Variants in ANKRD30B observed in about 807,000 individuals in gnomAD.
ANKRD30B encodes the protein ankyrin repeat domain-containing protein 30B.
Under a neutral mutation model 202.2 loss-of-function variants are expected in ANKRD30B, and 144 were observed. The observed-to-expected ratio is 0.71, with a 90% confidence interval of 0.62 to 0.82. The LOEUF is 0.82. Ranked by LOEUF, ANKRD30B falls within the 40% of genes least tolerant of loss-of-function variation. The pLI is 0.00. For synonymous variants in ANKRD30B, 508 were observed against 561.3 expected (o/e 0.91, Z 1.34); for missense variants, 1,487 against 1,669.1 (o/e 0.89, Z 1.90).
At chr18:14,910,435 T>A in the ANKRD30B span, among the ~76,000 whole-genome samples, 1 of 151,346 alleles carries the variant, frequency 6.6e-6, no homozygotes, top group African/African-American at 2.4e-5. Context: ...TATGGCTAAG[T>A]AGTGTTACAT....
chr18:14,907,306 A>T, the ANKRD30B span, among the ~76,000 whole-genome samples: 1 of 151,472 alleles, frequency 6.6e-6, no homozygotes, highest in East Asian at 1.9e-4. Flanking sequence ...TTCCAAACTC[A>T]ATTTTACTGA....
chr18:14,789,644 G>A (rs1384851573), intron 15 of ANKRD30B, among the ~76,000 whole-genome samples: 1 of 152,182 alleles, frequency 6.6e-6, no homozygotes, highest in African/African-American at 2.4e-5. Flanking sequence ...TTATTAAATA[G>A]GGAATCCTTT....
chr18:14,868,319 T>C, the ANKRD30B span, among the ~76,000 whole-genome samples: 1 of 152,282 alleles, frequency 6.6e-6, no homozygotes, highest in South Asian at 2.1e-4. Flanking sequence ...GTCCTCCCCC[T>C]TCTCCTGCAG....
the ANKRD30B span, among the ~76,000 whole-genome samples, chr18:14,938,486 C>A: frequency 6.6e-6 from 1 of 152,160 alleles, no homozygotes. Flanking sequence ...CTTGGCTGGC[C>A]ATGGCCCTCA....
intron 30 of ANKRD30B, among the ~76,000 whole-genome samples, chr18:14,819,927 G>A (rs1455316532): frequency 2.0e-5 from 3 of 152,144 alleles, no homozygotes; most frequent in Admixed American, 6.5e-5. Context: ...GATGGGGATG[G>A]CATTGAATCT....
intron 3 of ANKRD30B, among the ~76,000 whole-genome samples, chr18:14,754,031 A>G (rs543079408): frequency 1.3e-5 from 2 of 152,302 alleles, no homozygotes; most frequent in African/African-American, 4.8e-5. Flanking sequence ...ATAATTGAGA[A>G]TAAACTTTTA....
chr18:14,849,153 G>A (rs1971780627), intron 40 of ANKRD30B, among the ~76,000 whole-genome samples: 2 of 151,388 alleles, frequency 1.3e-5, no homozygotes, highest in African/African-American at 4.8e-5. Context: ...CTATATAGAA[G>A]GCCATTATTT....
chr18:14,892,564 C>T, the ANKRD30B span, among the ~76,000 whole-genome samples: 7 of 151,808 alleles, frequency 4.6e-5, no homozygotes, highest in Non-Finnish European at 1.0e-4. Context: ...CATGGCGAAA[C>T]CCCGTTTCTA....
the ANKRD30B span, among the ~76,000 whole-genome samples, chr18:14,902,125 A>C: frequency 6.6e-6 from 1 of 152,130 alleles, no homozygotes; most frequent in Admixed American, 6.6e-5. Context: ...CTACCACGAG[A>C]ACAGTATGGA....
chr18:14,828,253 T>G, intron 32 of ANKRD30B, 25 bp from the exon 33 acceptor site: 1 of 1,488,330 alleles, frequency 6.7e-7, no homozygotes, highest in Non-Finnish European at 9.1e-7. Flanking sequence ...GTTGATTTAA[T>G]GTATTTTACT....
In ANKRD30B at chr18:14,800,308, C is replaced by CT. The variant is rs1177678147; in HGVS notation, c.2131+1023dup. Among the ~76,000 whole-genome samples, 23 of 146,820 alleles carry CT rather than the reference C, an allele frequency of 1.6e-4. 1 individual carries two copies. The highest frequency in any genetic ancestry group is 6.8e-4 in the Admixed American group (10 of 14,742). ...AATTTGTTTTGACGTCTTAAATTTTCTTTTTTTTTTAAATTTTGATATGGC... is the reference window on the plus strand; with the variant it reads ...AATTTGTTTTGACGTCTTAAATTTTCTTTTTTTTTTTAAATTTTGATATGGC... On this transcript the variant is annotated intron_variant, in intron 22 of 43. Coordinates refer to ENST00000690538, the MANE Select transcript of ANKRD30B (RefSeq NM_001367607.2).
rs773634557 is a variant in ANKRD30B at position 14,851,912 on chromosome 18, A to G, written c.3968A>G (p.His1323Arg). 3.2e-5 allele frequency: 51 copies of G among 1,601,156 alleles called. No homozygotes were observed. The South Asian group carries it at 5.3e-4, about 17-fold the overall frequency. The change falls in exon 42 of 44, where the codon CAC becomes CGC. Residue 1323 changes from histidine (H) to arginine (R), a missense_variant. His to Arg is a conservative substitution (Grantham distance 29). Coordinates refer to ENST00000690538, the MANE Select transcript of ANKRD30B (RefSeq NM_001367607.2). ...TSRKNQELAF[H>R]SAGDAPLQGI... ...AGAAAAAACCAAGAACTTGCTTTCC[A>G]CAGTGCAGGAGATGCTCCTTTGCAA...
intron 8 of ANKRD30B, among the ~76,000 whole-genome samples, chr18:14,771,519 C>T (rs567625480): frequency 7.1e-4 from 108 of 152,152 alleles, no homozygotes; most frequent in Non-Finnish European, 1.1e-3. Context: ...GAAAATATTC[C>T]GAATAACAAA....
At chr18:14,898,687 T>A in the ANKRD30B span, among the ~76,000 whole-genome samples, 1 of 152,222 alleles carries the variant, frequency 6.6e-6, no homozygotes, top group Non-Finnish European at 1.5e-5. Context: ...GATTTACCTG[T>A]CTGTCAGCTC....
chr18:14,918,594 T>A, the ANKRD30B span, among the ~76,000 whole-genome samples: 1 of 152,040 alleles, frequency 6.6e-6, no homozygotes, highest in Admixed American at 6.5e-5. Flanking sequence ...CTGAGGCCAC[T>A]GGAAGTCACA....
chr18:14,902,690 CAAT>C, the ANKRD30B span, among the ~76,000 whole-genome samples: 3 of 152,166 alleles, frequency 2.0e-5, no homozygotes, highest in Non-Finnish European at 4.4e-5. Context: ...AGCCGTGAGA[CAAT>C]GATCCCAGGG....
chr18:14,789,706 T>C (rs1293351889), intron 15 of ANKRD30B, among the ~76,000 whole-genome samples: 4 of 152,196 alleles, frequency 2.6e-5, no homozygotes, highest in African/African-American at 7.2e-5. Context: ...GTTCTAGATA[T>C]GCACCATTAT....
the ANKRD30B span, among the ~76,000 whole-genome samples, chr18:14,937,574 C>T: frequency 8.7e-5 from 6 of 69,142 alleles, no homozygotes; most frequent in Admixed American, 4.3e-4. Flanking sequence ...TGGGGTGTAG[C>T]CAATTGGAGG....
chr18:14,876,353 G>A, the ANKRD30B span, among the ~76,000 whole-genome samples: 1 of 152,168 alleles, frequency 6.6e-6, no homozygotes, highest in African/African-American at 2.4e-5. Flanking sequence ...TAAGCTGCAT[G>A]GCACAAATTT....
Sources: allele counts gnomAD v4.1 joint callset (sites outside exome capture counted in the v4.1 genomes callset), GRCh38; gene constraint gnomAD v4.1.1; transcripts MANE v1.5; gene names NCBI Gene and HGNC (gene_info 2026-07-23, HGNC 2026-07-21).